The following IQSEC1 variants were observed in gnomAD, a reference collection of about 807,000 sequenced individuals.
The protein encoded by IQSEC1 is IQ motif and Sec7 domain ArfGEF 1.
In IQSEC1, 31 loss-of-function variants were observed where a neutral mutation model predicts 91.0. The ratio of observed to expected loss-of-function variants is 0.34; its 90% CI spans 0.26 to 0.46. The LOEUF (loss-of-function observed/expected upper bound fraction) is 0.46, where lower values mean the gene tolerates loss of function less well. Ranked by LOEUF, IQSEC1 falls within the 20% of genes least tolerant of loss-of-function variation. The pLI is 1.00. For synonymous variants in IQSEC1, 699 were observed against 662.6 expected, an observed-to-expected ratio of 1.05 and a Z score of -0.84; for missense variants, 1,388 against 1,575.6, an observed-to-expected ratio of 0.88 and a Z score of 2.02.
At chr3:13,043,025 G>A (rs966336957) in intron 1 of IQSEC1, among the ~76,000 whole-genome samples, 2 of 152,190 alleles carry the variant, frequency 1.3e-5, no homozygotes, top group African/African-American at 4.8e-5. Flanking sequence ...AAAGGCAGGC[G>A]AAGGAAGACT....
At chr3:13,176,275 A>C (rs1693726695) in intron 1 of IQSEC1, among the ~76,000 whole-genome samples, 1 of 152,216 alleles carries the variant, frequency 6.6e-6, no homozygotes, top group South Asian at 2.1e-4. Flanking sequence ...AGACTCAGCC[A>C]GAACAACGTC....
At chr3:12,953,188 G>A (rs183369741) in intron 1 of IQSEC1, among the ~76,000 whole-genome samples, 274 of 152,366 alleles carry the variant, frequency 1.8e-3, no homozygotes, top group African/African-American at 6.3e-3. Flanking sequence ...GCTGCAGGGA[G>A]CACACCCACA....
intron 1 of IQSEC1, among the ~76,000 whole-genome samples, chr3:13,204,159 G>C (rs2125053115): frequency 6.6e-6 from 1 of 152,310 alleles, no homozygotes; most frequent in South Asian, 2.1e-4. Flanking sequence ...CAAGCCCAGG[G>C]AGAGCTGCGG....
At chr3:13,003,253 C>A (rs1166739734) in intron 1 of IQSEC1, among the ~76,000 whole-genome samples, 2 of 67,952 alleles carry the variant, frequency 2.9e-5, no homozygotes, top group South Asian at 5.1e-4. Flanking sequence ...GCCTGGGCAA[C>A]AAAGTGAGAC....
chr3:12,928,911 C>G (rs116398997), intron 3 of IQSEC1, among the ~76,000 whole-genome samples: 299 of 152,302 alleles, frequency 2.0e-3, no homozygotes, highest in African/African-American at 6.7e-3. Context: ...CCTATGGACA[C>G]CCACCTCCTT....
intron 1 of IQSEC1, among the ~76,000 whole-genome samples, chr3:13,219,738 A>G (rs892280495): frequency 6.6e-6 from 1 of 152,218 alleles, no homozygotes; most frequent in African/African-American, 2.4e-5. Context: ...CAGCATGAGG[A>G]CAGTCCGGGC....
chr3:13,096,031 G>C (rs1705949386), intron 2 of IQSEC1, among the ~76,000 whole-genome samples: 1 of 152,174 alleles, frequency 6.6e-6, no homozygotes, highest in East Asian at 1.9e-4. Context: ...CACATCCTTG[G>C]TTCCTCCTGC....
intron 2 of IQSEC1, among the ~76,000 whole-genome samples, chr3:13,098,577 GC>G (rs1706003700): frequency 6.6e-6 from 1 of 152,074 alleles, no homozygotes; most frequent in South Asian, 2.1e-4. Context: ...GAGGGAGGGA[GC>G]CAAGGAGATA....
chr3:12,997,704 C>T (rs1702274959), intron 1 of IQSEC1, among the ~76,000 whole-genome samples: 1 of 152,148 alleles, frequency 6.6e-6, no homozygotes, highest in African/African-American at 2.4e-5. Context: ...CAATTATTCC[C>T]TTGGTTTCCT....
intron 9 of IQSEC1, among the ~76,000 whole-genome samples, chr3:12,912,404 CTG>C (rs1336107402): frequency 6.6e-6 from 1 of 152,326 alleles, no homozygotes; most frequent in Non-Finnish European, 1.5e-5. Flanking sequence ...GAGGAGGAAA[CTG>C]AGGCTCAGAG....
chr3:12,914,976 AC>A lies in IQSEC1; in HGVS notation c.2190+127del, dbSNP rs980475541. ...TAATTACGAACATCTGATTCTCAGC[AC>A]CCCAGCAATGAACTCAAGCAGCCAG... On this transcript the variant is annotated intron_variant, in intron 8 of 13. Transcript: ENST00000613206. 4 of 867,944 alleles carry A rather than the reference AC, an allele frequency of 4.6e-6. No homozygotes were observed. The African/African-American group carries it at 5.1e-5, about 11-fold the overall frequency. 53.8% of individuals were successfully genotyped at this position (867,944 alleles called of 1,614,324 possible).
chr3:13,016,218 C>T (rs1410390115), intron 1 of IQSEC1, among the ~76,000 whole-genome samples: 8 of 152,220 alleles, frequency 5.3e-5, no homozygotes, highest in African/African-American at 1.7e-4. Context: ...TGCCAGTGTC[C>T]GGGCCCAGGC....
chr3:13,130,212 C>T (rs932674198), intron 2 of IQSEC1, among the ~76,000 whole-genome samples: 2 of 151,246 alleles, frequency 1.3e-5, no homozygotes, highest in South Asian at 2.1e-4. Flanking sequence ...GGTGTGGTGG[C>T]GCGCGCCTGT....
At chr3:13,189,105 C>A (rs977262859) in intron 1 of IQSEC1, among the ~76,000 whole-genome samples, 5 of 152,244 alleles carry the variant, frequency 3.3e-5, no homozygotes, top group African/African-American at 1.2e-4. Context: ...AAGAGATGAG[C>A]AGCCCCTCCT....
intron 1 of IQSEC1, among the ~76,000 whole-genome samples, chr3:13,041,457 G>A (rs199648045): frequency 1.2e-4 from 18 of 152,218 alleles, no homozygotes; most frequent in African/African-American, 4.3e-4. Context: ...TTGCTCGTAT[G>A]CTAATGGCCG....
intron 13 of IQSEC1, among the ~76,000 whole-genome samples, chr3:12,901,737 G>T (rs975507694): frequency 6.6e-6 from 1 of 152,044 alleles, no homozygotes; most frequent in Non-Finnish European, 1.5e-5. Context: ...TGACCAAAGT[G>T]GGGAGTGAGG....
intron 2 of IQSEC1, among the ~76,000 whole-genome samples, chr3:13,129,401 T>G (rs894298729): frequency 1.3e-5 from 2 of 152,198 alleles, no homozygotes; most frequent in Non-Finnish European, 2.9e-5. Flanking sequence ...CACAGAGTTA[T>G]TACTTTCACT....
intron 1 of IQSEC1, among the ~76,000 whole-genome samples, chr3:13,178,372 G>A (rs1693776469): frequency 6.6e-6 from 1 of 152,230 alleles, no homozygotes; most frequent in Non-Finnish European, 1.5e-5. Flanking sequence ...CCAGGTCAGG[G>A]GTGTGGTCAA....
intron 2 of IQSEC1, among the ~76,000 whole-genome samples, chr3:13,080,109 G>A (rs192732415): frequency 6.6e-6 from 1 of 152,350 alleles, no homozygotes; most frequent in East Asian, 1.9e-4. Flanking sequence ...AGGGGTTTGG[G>A]CTTCATTATG....
Sources: allele counts gnomAD v4.1 joint callset (sites outside exome capture counted in the v4.1 genomes callset), GRCh38; gene constraint gnomAD v4.1.1; transcripts MANE v1.5; gene names NCBI Gene and HGNC (gene_info 2026-07-23, HGNC 2026-07-21).